PTPRO: variants seen among roughly 807,000 people sequenced by gnomAD.
PTPRO encodes receptor-type tyrosine-protein phosphatase O.
Under a neutral mutation model 145.2 loss-of-function variants are expected in PTPRO, and 62 were observed. The ratio of observed to expected loss-of-function variants is 0.43; its 90% CI spans 0.35 to 0.53. The LOEUF is 0.53. PTPRO is among the 20% of genes least tolerant of loss of function. The pLI is 0.01. For missense variants in PTPRO, 1,345 were observed against 1,482.7 expected, an observed-to-expected ratio of 0.91 and a Z score of 1.53; for synonymous variants, 565 against 514.7, an observed-to-expected ratio of 1.10 and a Z score of -1.32.
chr12:15,553,043 G>C (rs140602073), intron 15 of PTPRO, among the ~76,000 whole-genome samples: 230 of 152,040 alleles, frequency 1.5e-3, no homozygotes, highest in African/African-American at 5.2e-3. Flanking sequence ...TAAGTAATCT[G>C]CCCACCTCAG....
At chr12:15,497,192 G>A (rs1942124516) in intron 2 of PTPRO, 53 bp from the exon 3 acceptor site, 4 of 1,466,438 alleles carry the variant, frequency 2.7e-6, no homozygotes, top group East Asian at 4.5e-5. Flanking sequence ...ATTGATATCG[G>A]CCTTTCTCTC....
intron 10 of PTPRO, among the ~76,000 whole-genome samples, chr12:15,521,163 G>C (rs1942712262): frequency 6.6e-6 from 1 of 151,910 alleles, no homozygotes; most frequent in East Asian, 1.9e-4. Context: ...ATACCGCTTA[G>C]AGGAATAATT....
chr12:15,515,669 A>G, intron 8 of PTPRO, 51 bp downstream of exon 8: 4 of 1,610,180 alleles, frequency 2.5e-6, no homozygotes, highest in Non-Finnish European at 2.5e-6. Flanking sequence ...TAGGGTATTG[A>G]CGGAGGGGTG....
chr12:15,407,676 C>T (rs936273563), intron 1 of PTPRO, among the ~76,000 whole-genome samples: 2 of 152,100 alleles, frequency 1.3e-5, no homozygotes, highest in African/African-American at 4.8e-5. Context: ...CTAAAATAAC[C>T]CAAAACATTT....
At chr12:15,351,185 A>G (rs1034776428) in intron 1 of PTPRO, among the ~76,000 whole-genome samples, 2 of 152,152 alleles carry the variant, frequency 1.3e-5, no homozygotes, top group African/African-American at 4.8e-5. Flanking sequence ...GCTTGGCTTC[A>G]CAGTCGTCCT....
At chr12:15,359,200 T>C (rs1285432534) in intron 1 of PTPRO, among the ~76,000 whole-genome samples, 1 of 152,182 alleles carries the variant, frequency 6.6e-6, no homozygotes, top group Non-Finnish European at 1.5e-5. Flanking sequence ...AAATGCAAAT[T>C]GTATTTTAAA....
intron 1 of PTPRO, among the ~76,000 whole-genome samples, chr12:15,457,748 C>G (rs973640531): frequency 2.6e-5 from 4 of 152,102 alleles, no homozygotes; most frequent in African/African-American, 9.7e-5. Flanking sequence ...AAAATCCCTG[C>G]CCCCACATAC....
At chr12:15,518,410 T>G (rs560485243) in intron 9 of PTPRO, among the ~76,000 whole-genome samples, 1 of 152,358 alleles carries the variant, frequency 6.6e-6, no homozygotes, top group Admixed American at 6.5e-5. Flanking sequence ...GGGGCTTCCA[T>G]GAAGATCTCT....
At chr12:15,579,299 G>GTA (rs1200288712) in intron 20 of PTPRO, among the ~76,000 whole-genome samples, 1 of 152,192 alleles carries the variant, frequency 6.6e-6, no homozygotes, top group Non-Finnish European at 1.5e-5. Flanking sequence ...AGGCGATGCA[G>GTA]TATATTAAAA....
At chr12:15,330,647 C>T (rs1248962258) in intron 1 of PTPRO, among the ~76,000 whole-genome samples, 1 of 152,184 alleles carries the variant, frequency 6.6e-6, no homozygotes, top group Non-Finnish European at 1.5e-5. Flanking sequence ...GGCCAGCCCC[C>T]ATTAGGCAGT....
At chr12:15,377,320 T>A (rs942809927) in intron 1 of PTPRO, among the ~76,000 whole-genome samples, 1 of 152,064 alleles carries the variant, frequency 6.6e-6, no homozygotes, top group Non-Finnish European at 1.5e-5. Context: ...AGAGCTACTA[T>A]AATGGCAAAT....
At chr12:15,417,884 A>G (rs1412314020) in intron 1 of PTPRO, among the ~76,000 whole-genome samples, 2 of 151,708 alleles carry the variant, frequency 1.3e-5, no homozygotes, top group Non-Finnish European at 2.9e-5. Context: ...GTCTTTACAG[A>G]TGATATCTCT....
At chr12:15,372,610 A>C (rs1038861216) in intron 1 of PTPRO, among the ~76,000 whole-genome samples, 3 of 152,190 alleles carry the variant, frequency 2.0e-5, no homozygotes, top group African/African-American at 7.2e-5. Flanking sequence ...CACAGATTGG[A>C]ATGCAGCCAA....
At chr12:15,499,745 A>C (rs1280490726) in intron 4 of PTPRO, 151 bp downstream of exon 4, 1 of 936,412 alleles carries the variant, frequency 1.1e-6, no homozygotes, top group East Asian at 2.7e-5. Flanking sequence ...CTATCAATAT[A>C]AAAAGAACTG....
intron 1 of PTPRO, chr12:15,440,039 A>G: frequency 1.5e-6 from 1 of 653,924 alleles, no homozygotes; most frequent in Non-Finnish European, 2.8e-6. Flanking sequence ...CAGGGGTAAC[A>G]AGATCTGCAA....
intron 1 of PTPRO, among the ~76,000 whole-genome samples, chr12:15,360,662 C>T (rs1251976503): frequency 6.6e-6 from 1 of 151,014 alleles, no homozygotes; most frequent in African/African-American, 2.4e-5. Flanking sequence ...TATAGAGATA[C>T]TAAATCAAAT....
intron 10 of PTPRO, among the ~76,000 whole-genome samples, 153 bp from the exon 11 acceptor site, chr12:15,524,661 A>T (rs1193920784): frequency 1.3e-5 from 2 of 152,024 alleles, no homozygotes; most frequent in East Asian, 3.8e-4. Context: ...ACCATCCTTC[A>T]CTGTTATTGA....
chr12:15,538,478 C>T (rs998507812), intron 12 of PTPRO, among the ~76,000 whole-genome samples: 4 of 152,204 alleles, frequency 2.6e-5, no homozygotes, highest in Admixed American at 2.0e-4. Context: ...CCGCAAGTGC[C>T]TCCCATAGTG....
intron 1 of PTPRO, among the ~76,000 whole-genome samples, chr12:15,452,262 T>G (rs1941066135): frequency 6.6e-6 from 1 of 152,146 alleles, no homozygotes; most frequent in Non-Finnish European, 1.5e-5. Context: ...GATAAATTCC[T>G]GGAAATATAC....
Sources: gnomAD v4.1 joint callset for allele counts (sites outside exome capture counted in the v4.1 genomes callset) on GRCh38, gnomAD v4.1.1 for gene constraint, MANE v1.5 for transcripts, NCBI Gene and HGNC (gene_info 2026-07-23, HGNC 2026-07-21) for gene names.